The following UNC5D variants were observed in gnomAD, a reference collection of about 807,000 sequenced individuals.
The protein encoded by UNC5D is unc-5 netrin receptor D.
Under a neutral mutation model 105.4 loss-of-function variants are expected in UNC5D, and 39 were observed. The observed-to-expected ratio is 0.37, with a 90% CI of 0.29 to 0.48. UNC5D has a LOEUF of 0.48. Among genes scored for constraint, UNC5D ranks in the 20% least tolerant of loss-of-function variants. The probability of loss-of-function intolerance (pLI) is 0.98; values close to 1 mark genes in which losing one functional copy is unlikely to be tolerated. For synonymous variants in UNC5D, 452 were observed against 450.4 expected (o/e 1.00, Z -0.04); for missense variants, 991 against 1,202.4 (o/e 0.82, Z 2.60).
At chr8:35,670,500 CAT>C (rs1400948208) in intron 4 of UNC5D, among the ~76,000 whole-genome samples, 1 of 152,112 alleles carries the variant, frequency 6.6e-6, no homozygotes, top group East Asian at 1.9e-4. Flanking sequence ...AAATGTGGTG[CAT>C]ATATACCATG....
intron 1 of UNC5D, among the ~76,000 whole-genome samples, chr8:35,504,302 A>G (rs1812169079): frequency 1.3e-5 from 2 of 152,148 alleles, no homozygotes; most frequent in South Asian, 4.1e-4. Context: ...AATTTGAAAA[A>G]ATGACAGCCT....
intron 1 of UNC5D, among the ~76,000 whole-genome samples, chr8:35,354,074 C>G (rs1189915070): frequency 6.6e-6 from 1 of 152,094 alleles, no homozygotes; most frequent in African/African-American, 2.4e-5. Flanking sequence ...TGACTGCCTA[C>G]AGCAACTTGT....
intron 1 of UNC5D, among the ~76,000 whole-genome samples, chr8:35,426,315 A>G (rs1381857174): frequency 1.3e-5 from 2 of 152,236 alleles, no homozygotes; most frequent in Non-Finnish European, 2.9e-5. Flanking sequence ...CCTTAAATAT[A>G]CTACTTTAAA....
intron 1 of UNC5D, among the ~76,000 whole-genome samples, chr8:35,417,796 C>A (rs1014379550): frequency 6.6e-6 from 1 of 152,088 alleles, no homozygotes; most frequent in South Asian, 2.1e-4. Flanking sequence ...AACAGCCACC[C>A]TGGTCATGTT....
At chr8:35,284,754 G>C (rs2128854537) in intron 1 of UNC5D, among the ~76,000 whole-genome samples, 1 of 152,054 alleles carries the variant, frequency 6.6e-6, no homozygotes, top group African/African-American at 2.4e-5. Context: ...AGTGGAGATG[G>C]GGTTTCACAA....
Position 35,606,334 on chromosome 8 carries a change from G to A in UNC5D, c.570+10677G>A, listed in dbSNP as rs79718974. On this transcript the variant is annotated intron_variant, in intron 4 of 16. Transcript: ENST00000404895. Reference sequence around the variant, plus strand: ...AACTTACATGAATGTGGTACATCCCGTACAATGACCGAACCAATATTGATA... The same window carrying A: ...AACTTACATGAATGTGGTACATCCCATACAATGACCGAACCAATATTGATA... Among the ~76,000 whole-genome samples, 50 of 152,152 alleles carry A rather than the reference G, an allele frequency of 3.3e-4. No homozygotes were observed. The East Asian group carries it at 7.9e-3, about 24-fold the overall frequency.
At chr8:35,500,145 T>G (rs1292040597) in intron 1 of UNC5D, among the ~76,000 whole-genome samples, 1 of 152,260 alleles carries the variant, frequency 6.6e-6, no homozygotes, top group Non-Finnish European at 1.5e-5. Flanking sequence ...AATATGTCTT[T>G]GCCTCTTGTC....
chr8:35,483,542 A>G (rs1810634879), intron 1 of UNC5D, among the ~76,000 whole-genome samples: 1 of 152,200 alleles, frequency 6.6e-6, no homozygotes, highest in African/African-American at 2.4e-5. Context: ...AAGGAAATTT[A>G]GCTTGAAAGG....
rs1802569431 is a variant in UNC5D, at chr8:35,374,210, A to G, written c.103+138323A>G. The stretch of plus-strand genomic sequence containing the variant: ...CCTTTGCTGTTTAGTGCAAGATGTA[A>G]TTCACTTAAACGATGACAGAAAGTG... On this transcript the variant is annotated intron_variant, in intron 1 of 16. Transcript: ENST00000404895. Among the ~76,000 whole-genome samples the G allele has an allele frequency of 1.3e-5, 2 of 152,204 alleles. 1 individual carries two copies. Among genetic ancestry groups the G allele is most frequent in the South Asian group, 4.1e-4 (2 of 4,830 alleles).
intron 1 of UNC5D, among the ~76,000 whole-genome samples, chr8:35,355,742 A>C (rs1029166269): frequency 4.6e-5 from 7 of 152,148 alleles, no homozygotes; most frequent in African/African-American, 1.7e-4. Flanking sequence ...ATAAGGATGG[A>C]ACCCTCATGA....
At chr8:35,408,195 C>CT (rs533853644) in intron 1 of UNC5D, among the ~76,000 whole-genome samples, 126 of 152,094 alleles carry the variant, frequency 8.3e-4, no homozygotes, top group African/African-American at 2.9e-3. Context: ...TTTAAACATG[C>CT]TATGTGTAAT....
intron 1 of UNC5D, among the ~76,000 whole-genome samples, chr8:35,353,873 A>T (rs948747743): frequency 7.9e-5 from 12 of 152,190 alleles, no homozygotes; most frequent in Non-Finnish European, 1.6e-4. Context: ...TATGGTATTT[A>T]CATAAGAGCA....
chr8:35,683,766 C>A, intron 5 of UNC5D, 39 bp downstream of exon 5: 1 of 1,444,156 alleles, frequency 6.9e-7, no homozygotes, highest in South Asian at 1.7e-5. Flanking sequence ...ATAGGGAGGG[C>A]AGAAAGAGGT....
intron 1 of UNC5D, among the ~76,000 whole-genome samples, chr8:35,259,391 G>A (rs956147047): frequency 3.3e-5 from 5 of 152,162 alleles, no homozygotes; most frequent in Admixed American, 1.3e-4. Context: ...CTGGCTGGAC[G>A]TGAGCTACCA....
chr8:35,399,774 AG>A (rs1269728567), intron 1 of UNC5D, among the ~76,000 whole-genome samples: 14 of 152,182 alleles, frequency 9.2e-5, no homozygotes, highest in African/African-American at 3.1e-4. Flanking sequence ...CCCACCAAGA[AG>A]GTTCCTCTTT....
At chr8:35,789,167 A>ATATATATG (rs1209680610) in intron 16 of UNC5D, among the ~76,000 whole-genome samples, 1 of 96,664 alleles carries the variant, frequency 1.0e-5, no homozygotes, top group East Asian at 3.0e-4. Context: ...ATATATATAT[A>ATATATATG]TATATATATA....
chr8:35,271,345 A>C, intron 1 of UNC5D, among the ~76,000 whole-genome samples: 1 of 127,418 alleles, frequency 7.8e-6, no homozygotes, highest in East Asian at 2.3e-4. Context: ...GCATGTGTGT[A>C]TGTATATGCA....
chr8:35,689,413 TAGTC>T (rs1322016438), intron 7 of UNC5D, among the ~76,000 whole-genome samples: 1 of 152,190 alleles, frequency 6.6e-6, no homozygotes, highest in Non-Finnish European at 1.5e-5. Context: ...GATGCTGTAT[TAGTC>T]AGGGTTCTCC....
At chr8:35,618,245 A>G (rs1239278015) in intron 4 of UNC5D, among the ~76,000 whole-genome samples, 2 of 152,228 alleles carry the variant, frequency 1.3e-5, no homozygotes, top group Non-Finnish European at 2.9e-5. Flanking sequence ...CAACGCTGTT[A>G]TCTAGGTACC....
Sources: allele counts gnomAD v4.1 joint callset (sites outside exome capture counted in the v4.1 genomes callset), GRCh38; gene constraint gnomAD v4.1.1; transcripts MANE v1.5; gene names NCBI Gene and HGNC (gene_info 2026-07-23, HGNC 2026-07-21).